The following NRXN1 variants were observed in gnomAD, a reference collection of about 807,000 sequenced individuals.
NRXN1 encodes neurexin-1.
NRXN1 carries 39 observed loss-of-function variants against 150.9 expected under a neutral mutation model. The observed-to-expected ratio is 0.26, with a 90% CI of 0.20 to 0.34. NRXN1 has a LOEUF of 0.34. Ranked by LOEUF, NRXN1 falls within the 10% of genes least tolerant of loss-of-function variation. The pLI, the probability that NRXN1 is intolerant of heterozygous loss-of-function variation, is 1.00. For synonymous variants in NRXN1, 924 were observed against 757.0 expected (o/e 1.22, Z -3.62); for missense variants, 1,815 against 1,949.9 (o/e 0.93, Z 1.30).
chr2:50,590,395 C>A (rs551328399), intron 8 of NRXN1, among the ~76,000 whole-genome samples: 4 of 152,200 alleles, frequency 2.6e-5, no homozygotes, highest in Admixed American at 6.5e-5. Flanking sequence ...AATGCCACTG[C>A]GTCTATGAAA....
At chr2:50,905,582 G>A (rs1683553518) in intron 5 of NRXN1, among the ~76,000 whole-genome samples, 1 of 152,036 alleles carries the variant, frequency 6.6e-6, no homozygotes. Flanking sequence ...TGCTTTGCTT[G>A]AAGCTGTTCC....
chr2:50,853,128 C>T (rs1342910775), intron 5 of NRXN1, among the ~76,000 whole-genome samples: 1 of 152,132 alleles, frequency 6.6e-6, no homozygotes, highest in African/African-American at 2.4e-5. Context: ...AGAATAAATG[C>T]TTTGTAATGA....
intron 5 of NRXN1, chr2:50,656,228 TA>T: frequency 1.8e-6 from 1 of 564,454 alleles, no homozygotes; most frequent in East Asian, 2.9e-5. Flanking sequence ...TGATCTTTTT[TA>T]AACTTAAAGT....
At chr2:50,891,774 C>G (rs1413593834) in intron 5 of NRXN1, among the ~76,000 whole-genome samples, 1 of 152,074 alleles carries the variant, frequency 6.6e-6, no homozygotes, top group Non-Finnish European at 1.5e-5. Flanking sequence ...TCAGGGTAAA[C>G]TCTTGTTTTT....
At chr2:50,301,278 A>T (rs190947288) in intron 17 of NRXN1, among the ~76,000 whole-genome samples, 1 of 152,338 alleles carries the variant, frequency 6.6e-6, no homozygotes, top group East Asian at 1.9e-4. Flanking sequence ...TTACTATATT[A>T]ACTCATTACA....
chr2:50,258,466 G>C (rs926433513), intron 17 of NRXN1, among the ~76,000 whole-genome samples: 1 of 151,982 alleles, frequency 6.6e-6, no homozygotes, highest in African/African-American at 2.4e-5. Context: ...TCAGTCACAT[G>C]TCCAGGCTTC....
chr2:50,933,238 T>C (rs1418005103), intron 2 of NRXN1, among the ~76,000 whole-genome samples: 3 of 152,116 alleles, frequency 2.0e-5, no homozygotes, highest in African/African-American at 4.8e-5. Context: ...ATCACATAAA[T>C]TGTGCCTTCC....
At chr2:50,376,787 T>C (rs564631972) in intron 17 of NRXN1, among the ~76,000 whole-genome samples, 3 of 152,172 alleles carry the variant, frequency 2.0e-5, no homozygotes, top group African/African-American at 4.8e-5. Flanking sequence ...AGATTTAGAG[T>C]TGAAGAAACT....
intron 5 of NRXN1, among the ~76,000 whole-genome samples, chr2:50,690,935 A>G (rs1691984607): frequency 6.6e-6 from 1 of 152,160 alleles, no homozygotes; most frequent in South Asian, 2.1e-4. Context: ...CTGCCCCCTC[A>G]TCGGGTACAA....
At chr2:50,142,433 T>C (rs1707408673) in intron 18 of NRXN1, among the ~76,000 whole-genome samples, 1 of 151,908 alleles carries the variant, frequency 6.6e-6, no homozygotes, top group African/African-American at 2.4e-5. Context: ...AATTGCATTT[T>C]ATATTTCAAA....
intron 17 of NRXN1, among the ~76,000 whole-genome samples, chr2:50,457,542 A>G (rs573242422): frequency 5.3e-5 from 8 of 152,282 alleles, no homozygotes; most frequent in South Asian, 2.1e-4. Context: ...ACTGGAGAAA[A>G]TATTTGCAGA....
intron 2 of NRXN1, among the ~76,000 whole-genome samples, chr2:50,931,968 T>A (rs1558443030): frequency 6.6e-6 from 1 of 151,892 alleles, no homozygotes; most frequent in Non-Finnish European, 1.5e-5. Flanking sequence ...TTCAAGCAAT[T>A]CTCCTGCCTC....
chr2:50,095,559 T>A (rs1700103502), intron 18 of NRXN1, among the ~76,000 whole-genome samples: 1 of 152,094 alleles, frequency 6.6e-6, no homozygotes, highest in Admixed American at 6.6e-5. Flanking sequence ...AATAGAAGCA[T>A]TGCAATGTTA....
intron 2 of NRXN1, among the ~76,000 whole-genome samples, chr2:50,950,937 A>G (rs570031162): frequency 6.6e-4 from 101 of 152,310 alleles, no homozygotes; most frequent in Non-Finnish European, 1.2e-3. Context: ...AAATTATGTC[A>G]TGGCTGTTTG....
At position 49,943,343 on chromosome 2, in the gene NRXN1, G is replaced by A. The variant is rs189791876; in HGVS notation, c.4216+361C>T. On this transcript the variant is annotated intron_variant, in intron 22 of 22. Coordinates refer to ENST00000401669, the MANE Select transcript of NRXN1 (RefSeq NM_001330078.2). ...GTCAGTAGAAAGGTCAAATAATTTT[G>A]CACAATGTGCTGCAAATTTTTAGCT... Among the ~76,000 whole-genome samples the A allele has an allele frequency of 1.8e-4, 28 of 152,234 alleles. 1 individual carries two copies. The East Asian group carries it at 1.9e-3, about 11-fold the overall frequency.
intron 5 of NRXN1, among the ~76,000 whole-genome samples, chr2:50,700,619 C>T (rs1304611357): frequency 1.3e-5 from 2 of 152,124 alleles, no homozygotes; most frequent in African/African-American, 2.4e-5. Flanking sequence ...AGACTATTAA[C>T]TAGGCTCTAA....
intron 17 of NRXN1, among the ~76,000 whole-genome samples, chr2:50,345,911 C>T (rs1363119530): frequency 6.6e-6 from 1 of 152,204 alleles, no homozygotes; most frequent in African/African-American, 2.4e-5. Flanking sequence ...CACACGTGAT[C>T]CTCCGGGAGA....
chr2:50,309,172 G>C (rs1483770037), intron 17 of NRXN1, among the ~76,000 whole-genome samples: 8 of 152,290 alleles, frequency 5.3e-5, no homozygotes, highest in Non-Finnish European at 1.0e-4. Context: ...TTTTTATGCA[G>C]ATGGGTTGGT....
rs181575261 is a variant in NRXN1 at position 50,855,790 on chromosome 2, C to A, written c.832+66079G>T. Among the ~76,000 whole-genome samples the A allele has an allele frequency of 2.0e-3, 298 of 152,118 alleles. 2 individuals are homozygous for A. The highest frequency in any genetic ancestry group is 6.9e-3 in the African/African-American group (288 of 41,528). ...TTACTATGTCCACTGACTATCCTATCCTGCATGCTATACTTAAAGTGTATT... is the reference window on the plus strand; with the variant it reads ...TTACTATGTCCACTGACTATCCTATACTGCATGCTATACTTAAAGTGTATT... On this transcript the variant is annotated intron_variant, in intron 5 of 22. Coordinates refer to ENST00000401669, the MANE Select transcript of NRXN1 (RefSeq NM_001330078.2).
Sources: gnomAD v4.1 joint callset for allele counts (sites outside exome capture counted in the v4.1 genomes callset) on GRCh38, gnomAD v4.1.1 for gene constraint, MANE v1.5 for transcripts, NCBI Gene and HGNC (gene_info 2026-07-23, HGNC 2026-07-21) for gene names.